Variants in RGS3 observed in about 807,000 individuals in gnomAD.
RGS3 encodes regulator of G protein signaling 3.
A neutral mutation model predicts 132.6 loss-of-function variants in RGS3; 80 were observed. That is an observed-to-expected ratio of 0.60 (90% CI 0.50 to 0.73). The LOEUF (loss-of-function observed/expected upper bound fraction) is 0.73. Ranked by LOEUF, RGS3 falls within the 30% of genes least tolerant of loss-of-function variation. RGS3 has a pLI of 0.00. For synonymous variants in RGS3, 598 were observed against 620.6 expected (o/e 0.96, Z 0.54); for missense variants, 1,382 against 1,530.8 (o/e 0.90, Z 1.62).
chr9:113,520,177 G>C (rs958693605), intron 16 of RGS3, among the ~76,000 whole-genome samples: 8 of 152,206 alleles, frequency 5.3e-5, no homozygotes, highest in Admixed American at 1.3e-4. Flanking sequence ...GAAGACACTG[G>C]GTGACCCCCG....
Position 113,506,335 on chromosome 9 carries a change from G to A in RGS3, c.980-53G>A. Reference sequence around the variant, plus strand: ...GGCAGCAAAGGACTCCAGATCCTTTGAAGGGGTCTTAGGCTTCAGGGGCCC... The same window carrying A: ...GGCAGCAAAGGACTCCAGATCCTTTAAAGGGGTCTTAGGCTTCAGGGGCCC... On this transcript the variant is annotated intron_variant, in intron 11 of 24. Transcript: ENST00000350696. The surrounding 1 kb of genome is among the most constrained non-coding windows in gnomAD (Gnocchi z 4.7). 3.4e-6 allele frequency: 4 copies of A among 1,172,944 alleles called. No individual in the cohort carries two copies. Among genetic ancestry groups the A allele is most frequent in the Non-Finnish European group, 5.0e-6 (4 of 801,500 alleles). 72.7% of individuals were successfully genotyped at this position (1,172,944 alleles called of 1,614,324 possible). A position where few individuals can be genotyped will look rare whatever the true frequency, so the allele number is the denominator to read the frequency against.
intron 19 of RGS3, among the ~76,000 whole-genome samples, chr9:113,577,703 G>T (rs1834596420): frequency 6.6e-6 from 1 of 152,150 alleles, no homozygotes; most frequent in African/African-American, 2.4e-5. Context: ...GGCCTATGCT[G>T]CTTCCTCCCC....
exon 4 of RGS3, chr9:113,479,538 C>T: frequency 6.2e-7 from 1 of 1,614,156 alleles, no homozygotes; most frequent in Non-Finnish European, 8.5e-7. Flanking sequence ...TCTGCTGCTT[C>T]ACAGTGAGTA....
At chr9:113,509,992 G>A (rs770490955) in intron 14 of RGS3, among the ~76,000 whole-genome samples, 3 of 152,020 alleles carry the variant, frequency 2.0e-5, no homozygotes, top group Non-Finnish European at 2.9e-5. Context: ...ATTTGGTTAC[G>A]TAAGATTTTT....
chr9:113,578,870 G>T (rs753102427), intron 19 of RGS3, among the ~76,000 whole-genome samples: 6 of 152,132 alleles, frequency 3.9e-5, no homozygotes, highest in Non-Finnish European at 7.4e-5. Context: ...GTCCCCTTAG[G>T]TCTCTGGCAC....
chr9:113,515,036 C>T (rs1274212866), intron 15 of RGS3, among the ~76,000 whole-genome samples: 1 of 152,144 alleles, frequency 6.6e-6, no homozygotes, highest in East Asian at 1.9e-4. Flanking sequence ...GAGGGAGACC[C>T]TTGGGGTCTG....
At chr9:113,468,611 T>C (rs746519083) in intron 3 of RGS3, among the ~76,000 whole-genome samples, 2 of 152,240 alleles carry the variant, frequency 1.3e-5, no homozygotes, top group African/African-American at 4.8e-5. Context: ...ACAAAAATGT[T>C]GGATAGATAG....
intron 19 of RGS3, among the ~76,000 whole-genome samples, chr9:113,577,160 T>A (rs943800059): frequency 6.6e-6 from 1 of 152,062 alleles, no homozygotes; most frequent in Non-Finnish European, 1.5e-5. Flanking sequence ...ATTCTCGTAT[T>A]TTTAGTAGAG....
At position 113,497,920 on chromosome 9, in the gene RGS3, G is replaced by A; in HGVS notation, c.842-105G>A. The A allele has an allele frequency of 1.2e-5, 14 of 1,150,796 alleles. No individual in the cohort carries two copies. In the South Asian group the frequency reaches 1.8e-4, roughly 15 times the overall value. The allele number at this position is 1,150,796 out of a possible 1,614,324, so 71.3% of individuals were successfully genotyped here. A position where few individuals can be genotyped will look rare whatever the true frequency, so the allele number is the denominator to read the frequency against. ...CATCCTGAGGCCAGGAGTGGCCCTG[G>A]GCAGCCCCATGGGCCTGTTTCCCAG... On this transcript the variant is annotated intron_variant, in intron 9 of 24. Coordinates refer to ENST00000350696, the Ensembl canonical transcript of RGS3.
intron 7 of RGS3, among the ~76,000 whole-genome samples, chr9:113,486,661 A>G (rs1234472000): frequency 6.6e-6 from 1 of 152,222 alleles, no homozygotes; most frequent in East Asian, 1.9e-4. Flanking sequence ...GAGCAATCAC[A>G]TCACTGAATG....
At chr9:113,510,191 G>A (rs1831340970) in intron 14 of RGS3, among the ~76,000 whole-genome samples, 1 of 151,984 alleles carries the variant, frequency 6.6e-6, no homozygotes. Flanking sequence ...TACAATGTTT[G>A]GTTTTCCATT....
At chr9:113,590,615 A>G (rs1021821651) in intron 20 of RGS3, among the ~76,000 whole-genome samples, 1 of 151,292 alleles carries the variant, frequency 6.6e-6, no homozygotes, top group Non-Finnish European at 1.5e-5. Context: ...CAGGTGGGAG[A>G]CTCACAAAAG....
chr9:113,447,329 G>GTATATATATATCTATATA (rs1829129858), intron 1 of RGS3, among the ~76,000 whole-genome samples: 1 of 27,536 alleles, frequency 3.6e-5, no homozygotes, highest in Non-Finnish European at 7.5e-5. Flanking sequence ...GTATGTATAT[G>GTATATATATATCTATATA]TATATATATA....
At chr9:113,452,319 A>G (rs578142470) in intron 1 of RGS3, among the ~76,000 whole-genome samples, 5 of 152,028 alleles carry the variant, frequency 3.3e-5, no homozygotes, top group East Asian at 1.9e-4. Context: ...TTTTCTTTCA[A>G]TACATTAAAG....
At chr9:113,486,798 G>A (rs1289976108) in intron 7 of RGS3, among the ~76,000 whole-genome samples, 1 of 152,082 alleles carries the variant, frequency 6.6e-6, no homozygotes, top group Admixed American at 6.5e-5. Flanking sequence ...TTTTAAAATC[G>A]GGGTGTATTT....
chr9:113,552,490 G>C (rs1350075612), intron 19 of RGS3, among the ~76,000 whole-genome samples: 1 of 151,920 alleles, frequency 6.6e-6, no homozygotes, highest in East Asian at 1.9e-4. Context: ...CTAATTTTTT[G>C]TATTTTTTTA....
intron 3 of RGS3, among the ~76,000 whole-genome samples, chr9:113,475,829 G>T (rs553669478): frequency 1.3e-5 from 2 of 152,144 alleles, no homozygotes; most frequent in Non-Finnish European, 2.9e-5. Flanking sequence ...GTGCTTCGGT[G>T]AGCTGAAGAC....
chr9:113,596,002 G>A (rs551031014), intron 24 of RGS3, among the ~76,000 whole-genome samples: 10 of 152,376 alleles, frequency 6.6e-5, no homozygotes, highest in African/African-American at 1.7e-4. Context: ...AGCCCTTTAT[G>A]TATGCGTTCT....
chr9:113,523,033 T>C (rs764345199), exon 17 of RGS3: 1 of 1,610,446 alleles, frequency 6.2e-7, no homozygotes. Context: ...AGTGTGAAGC[T>C]GCAGGAAGGT....
Sources: allele counts gnomAD v4.1 joint callset (sites outside exome capture counted in the v4.1 genomes callset), GRCh38; gene constraint gnomAD v4.1.1; non-coding constraint Gnocchi (gnomAD v3.1); transcripts MANE v1.5; gene names NCBI Gene and HGNC (gene_info 2026-07-23, HGNC 2026-07-21).